VRK2: variants seen among roughly 807,000 people sequenced by gnomAD.
The protein encoded by VRK2 is VRK serine/threonine kinase 2.
VRK2 carries 60 observed loss-of-function variants against 57.6 expected under a neutral mutation model. The ratio of observed to expected loss-of-function variants is 1.04; its 90% CI spans 0.85 to 1.29. The LOEUF is 1.29. Among genes scored for constraint, VRK2 ranks in the 50% most tolerant of loss-of-function variants. The pLI is 0.00. For synonymous variants in VRK2, 231 were observed against 199.2 expected (o/e 1.16, Z -1.35); for missense variants, 705 against 588.1 (o/e 1.20, Z -2.06).
chr2:58,088,018 T>A (rs1024901434), intron 5 of VRK2, among the ~76,000 whole-genome samples: 3 of 152,224 alleles, frequency 2.0e-5, no homozygotes, highest in African/African-American at 7.2e-5. Context: ...AATAATTTGT[T>A]CAAGGCCATA....
chr2:57,935,095 G>A (rs1311423821), intron 1 of VRK2, among the ~76,000 whole-genome samples: 2 of 152,058 alleles, frequency 1.3e-5, no homozygotes, highest in African/African-American at 2.4e-5. Flanking sequence ...ACTTGGTTGT[G>A]AGAATAATTG....
At chr2:58,087,066 T>C (rs1358419088) in intron 5 of VRK2, among the ~76,000 whole-genome samples, 1 of 152,140 alleles carries the variant, frequency 6.6e-6, no homozygotes, top group African/African-American at 2.4e-5. Flanking sequence ...CCACCAAATA[T>C]GGCTAGTCCT....
intron 1 of VRK2, among the ~76,000 whole-genome samples, chr2:58,012,771 C>T (rs531675553): frequency 2.0e-5 from 3 of 152,206 alleles, no homozygotes; most frequent in African/African-American, 4.8e-5. Context: ...ATAAAAAGGA[C>T]AAAGACCAAA....
intron 1 of VRK2, among the ~76,000 whole-genome samples, chr2:57,998,755 A>G (rs1305304703): frequency 6.6e-6 from 1 of 152,188 alleles, no homozygotes; most frequent in Admixed American, 6.5e-5. Flanking sequence ...TTTTGAGGAC[A>G]TTGCTTCACT....
At chr2:58,072,425 C>T (rs1239736160) in intron 2 of VRK2, among the ~76,000 whole-genome samples, 2 of 151,682 alleles carry the variant, frequency 1.3e-5, no homozygotes, top group Non-Finnish European at 2.9e-5. Context: ...TTTTTTTTAT[C>T]GAGTTGAGAA....
At chr2:58,053,146 G>A (rs1326977591) in intron 2 of VRK2, among the ~76,000 whole-genome samples, 1 of 152,108 alleles carries the variant, frequency 6.6e-6, no homozygotes, top group Non-Finnish European at 1.5e-5. Flanking sequence ...GTCACTCTTC[G>A]ATCTACTGCA....
At chr2:58,006,413 G>A (rs1346089832) in intron 1 of VRK2, among the ~76,000 whole-genome samples, 3 of 152,166 alleles carry the variant, frequency 2.0e-5, no homozygotes, top group East Asian at 3.8e-4. Flanking sequence ...GTCTTAGGGA[G>A]ATTGGAATGT....
rs545697743 is a variant in VRK2, at chr2:58,033,791, G to A, written c.-6+238G>A. On this transcript the variant is annotated intron_variant, in intron 3 of 15. Coordinates refer to the VRK2 transcript ENST00000417641. ...AAGAAGCTATGTAGTCTAAACTATA[G>A]GATCTTTCCTGAAATCTGGTAATTT... 2.0e-5 allele frequency: 3 copies of A among 152,080 alleles called. No individual in the cohort carries two copies. The South Asian group carries it at 6.2e-4, about 32-fold the overall frequency. The allele number at this position is 152,080 out of a possible 1,614,324, so 9.4% of individuals were successfully genotyped here.
intron 1 of VRK2, among the ~76,000 whole-genome samples, chr2:57,924,196 G>A (rs1670458311): frequency 6.6e-6 from 1 of 151,784 alleles, no homozygotes; most frequent in Non-Finnish European, 1.5e-5. Context: ...GGATAGCTTT[G>A]GCTATTCTAG....
intron 2 of VRK2, among the ~76,000 whole-genome samples, chr2:58,057,281 G>A (rs1380500934): frequency 6.6e-6 from 1 of 152,128 alleles, no homozygotes. Context: ...CTGCGTGTAA[G>A]GCACTGTACT....
rs1231159019 is a variant in VRK2 at position 58,095,293 on chromosome 2, C to CAAAAAA, written c.543+5584_543+5589dup. Among the ~76,000 whole-genome samples the CAAAAAA allele has an allele frequency of 7.6e-3, 509 of 66,612 alleles. 11 individuals are homozygous for CAAAAAA. Among genetic ancestry groups the CAAAAAA allele is most frequent in the African/African-American group, 0.026 (474 of 18,448 alleles). The allele number at this position is 66,612 out of a possible 152,430, so 43.7% of individuals were successfully genotyped here. A position where few individuals can be genotyped will look rare whatever the true frequency, so the allele number is the denominator to read the frequency against. ...TGGGTGACAGAGCGAGACTCCGTCTCAAAAAAAAAAAAAAAAAAATACTTG... is the reference window on the plus strand; with the variant it reads ...TGGGTGACAGAGCGAGACTCCGTCTCAAAAAAAAAAAAAAAAAAAAAAAAATACTTG... On this transcript the variant is annotated intron_variant, in intron 7 of 12. Coordinates refer to ENST00000340157, the MANE Select transcript of VRK2 (RefSeq NM_006296.7).
intron 7 of VRK2, among the ~76,000 whole-genome samples, chr2:58,101,544 GATTA>G (rs1369422952): frequency 7.3e-5 from 11 of 151,596 alleles, no homozygotes; most frequent in Non-Finnish European, 1.5e-5. Flanking sequence ...TAGAAATACA[GATTA>G]ATTATTCTAA....
At chr2:58,143,673 T>C (rs1681674068) in intron 11 of VRK2, among the ~76,000 whole-genome samples, 2 of 151,828 alleles carry the variant, frequency 1.3e-5, no homozygotes, top group African/African-American at 4.8e-5. Context: ...TAGGAAGCAC[T>C]AAAAACTTCA....
In VRK2 at chr2:58,123,238, G is replaced by A; in HGVS notation, c.676+5G>A. On this transcript the variant is annotated splice_donor_5th_base_variant and intron_variant, in intron 8 of 12. Coordinates refer to ENST00000340157, the MANE Select transcript of VRK2 (RefSeq NM_006296.7). ...TGGATGCCCACAAGGGAGTAGGTGG[G>A]TTTCTTTTTTCTTTTTCTTATTTTT... 6.4e-7 allele frequency: 1 copy of A among 1,572,726 alleles called. No homozygotes were observed. The highest frequency in any genetic ancestry group is 8.6e-7 in the Non-Finnish European group (1 of 1,168,478).
intron 3 of VRK2, among the ~76,000 whole-genome samples, chr2:58,040,123 C>T (rs1033436961): frequency 1.3e-5 from 2 of 151,832 alleles, no homozygotes; most frequent in African/African-American, 4.8e-5. Context: ...GACAGGGTCT[C>T]GCTATGTTCC....
intron 12 of VRK2, among the ~76,000 whole-genome samples, chr2:58,154,318 TTTC>T (rs971892506): frequency 3.4e-5 from 5 of 148,190 alleles, no homozygotes; most frequent in East Asian, 1.9e-4. Context: ...TTGCTTTGGA[TTTC>T]TTTTTTTTTT....
At chr2:58,124,488 C>G (rs990237362) in intron 8 of VRK2, among the ~76,000 whole-genome samples, 1 of 152,102 alleles carries the variant, frequency 6.6e-6, no homozygotes, top group African/African-American at 2.4e-5. Context: ...TATGCTAAAC[C>G]AAACAATTTT....
chr2:58,109,695 T>G (rs755968995), intron 7 of VRK2, among the ~76,000 whole-genome samples: 1 of 152,288 alleles, frequency 6.6e-6, no homozygotes, highest in Non-Finnish European at 1.5e-5. Context: ...ATCTAATCAC[T>G]TCCCAGGGGT....
At chr2:57,980,698 T>C (rs1672395867) in intron 1 of VRK2, among the ~76,000 whole-genome samples, 1 of 152,240 alleles carries the variant, frequency 6.6e-6, no homozygotes, top group Non-Finnish European at 1.5e-5. Context: ...ATTTGTTTTA[T>C]GAATCTGGGT....
Sources: allele counts gnomAD v4.1 joint callset (sites outside exome capture counted in the v4.1 genomes callset), GRCh38; gene constraint gnomAD v4.1.1; transcripts MANE v1.5; gene names NCBI Gene and HGNC (gene_info 2026-07-23, HGNC 2026-07-21).